PTPRN2: variants seen among roughly 807,000 people sequenced by gnomAD.
The protein encoded by PTPRN2 is receptor-type tyrosine-protein phosphatase N2.
A neutral mutation model predicts 118.8 loss-of-function variants in PTPRN2; 74 were observed. The ratio of observed to expected loss-of-function variants is 0.62; its 90% CI spans 0.52 to 0.76. The LOEUF (loss-of-function observed/expected upper bound fraction) is 0.76, where lower values mean the gene tolerates loss of function less well. Ranked by LOEUF, PTPRN2 falls within the 30% of genes least tolerant of loss-of-function variation. The pLI, the probability that PTPRN2 is intolerant of heterozygous loss-of-function variation, is 0.00. For missense variants in PTPRN2, 1,481 were observed against 1,394.4 expected (o/e 1.06, Z -0.99); for synonymous variants, 641 against 608.0 (o/e 1.05, Z -0.80).
At chr7:157,788,460 C>T (rs1017601486) in intron 12 of PTPRN2, among the ~76,000 whole-genome samples, 1 of 151,982 alleles carries the variant, frequency 6.6e-6, no homozygotes, top group African/African-American at 2.4e-5. Context: ...GAGAAGTGTG[C>T]CATCAACCAA....
chr7:157,687,878 T>C (rs1329298774), intron 12 of PTPRN2, among the ~76,000 whole-genome samples: 1 of 152,258 alleles, frequency 6.6e-6, no homozygotes, highest in African/African-American at 2.4e-5. Context: ...TACTTTTAAT[T>C]TGGAATTTGC....
intron 9 of PTPRN2, among the ~76,000 whole-genome samples, chr7:158,118,603 G>A (rs1816912862): frequency 6.6e-6 from 1 of 152,102 alleles, no homozygotes. Flanking sequence ...ACAGAGATTA[G>A]CAAAATATGA....
chr7:158,509,304 T>A lies in PTPRN2; in HGVS notation c.113-19519A>T, dbSNP rs1405543108. On this transcript the variant is annotated intron_variant, in intron 1 of 22. Transcript: ENST00000389418. This position sits in a 1 kb window ranked among gnomAD's most constrained non-coding sequence, Gnocchi z 4.4. ...TCAGTCACAGCATCGGAAGAATGAA[T>A]AGTGCTCCCTGATCCCTAACGTGCA... 1.3e-5 allele frequency among the ~76,000 whole-genome samples: 2 copies of A among 152,138 alleles called. No homozygotes were observed. The highest frequency in any genetic ancestry group is 2.9e-5 in the Non-Finnish European group (2 of 68,010).
chr7:158,578,842 A>G (rs1024986527), intron 1 of PTPRN2, among the ~76,000 whole-genome samples: 5 of 151,792 alleles, frequency 3.3e-5, no homozygotes, highest in African/African-American at 1.2e-4. Context: ...ATTTCACTGC[A>G]TCCTCCATCT....
chr7:157,702,340 C>G (rs1016953215), intron 12 of PTPRN2, among the ~76,000 whole-genome samples: 3 of 151,974 alleles, frequency 2.0e-5, no homozygotes, highest in Non-Finnish European at 4.4e-5. Flanking sequence ...AAAGCCCGGT[C>G]GGTGCTGGTG....
chr7:158,155,277 T>G (rs977406443), intron 6 of PTPRN2, among the ~76,000 whole-genome samples: 1 of 152,174 alleles, frequency 6.6e-6, no homozygotes, highest in South Asian at 2.1e-4. Flanking sequence ...CTTTAAACAA[T>G]CAGCAACAGC....
At chr7:158,481,095 C>T (rs1475067104) in intron 2 of PTPRN2, among the ~76,000 whole-genome samples, 1 of 152,242 alleles carries the variant, frequency 6.6e-6, no homozygotes, top group Non-Finnish European at 1.5e-5. Context: ...GACTTCAAAG[C>T]TTCAAAGCAC....
intron 12 of PTPRN2, among the ~76,000 whole-genome samples, chr7:157,837,687 A>G (rs1808070240): frequency 6.6e-6 from 1 of 152,138 alleles, no homozygotes; most frequent in Non-Finnish European, 1.5e-5. Context: ...CAGGGCTCAC[A>G]TCCTCCATGA....
intron 11 of PTPRN2, among the ~76,000 whole-genome samples, chr7:157,973,757 T>C (rs1802518258): frequency 6.6e-6 from 1 of 152,190 alleles, no homozygotes; most frequent in Non-Finnish European, 1.5e-5. Flanking sequence ...CAATGTAAAA[T>C]TTAAAAAGAT....
In PTPRN2 at chr7:158,077,553, T is replaced by C. The variant is rs13236421; in HGVS notation, c.1723+3745A>G. Among the ~76,000 whole-genome samples the C allele has an allele frequency of 2.8e-3, 80 of 28,818 alleles. 1 individual carries two copies. Among genetic ancestry groups the C allele is most frequent in the Admixed American group, 7.4e-3 (21 of 2,850 alleles). 18.9% of individuals were successfully genotyped at this position (28,818 alleles called of 152,430 possible). Reference sequence around the variant, plus strand: ...ATTCAGGGTCAGCACAGGAGCCCCCTATGAGCCACACCCCCACCACACAGG... The same window carrying C: ...ATTCAGGGTCAGCACAGGAGCCCCCCATGAGCCACACCCCCACCACACAGG... On this transcript the variant is annotated intron_variant, in intron 11 of 22. Transcript: ENST00000389418.
Position 158,071,549 on chromosome 7 carries a change from CCTG to C in PTPRN2, c.1723+9746_1723+9748del, listed in dbSNP as rs201141908. Among the ~76,000 whole-genome samples, 156 of 46,550 alleles carry C rather than the reference CCTG, an allele frequency of 3.4e-3. 7 individuals carry two copies. The highest frequency in any genetic ancestry group is 6.1e-3 in the East Asian group (8 of 1,322). The allele number at this position is 46,550 out of a possible 152,430, so 30.5% of individuals were successfully genotyped here. ...AGATGCTCGTGATGATGGAGGTGCT[CCTG>C]GTGGTGGAGGTGCTCCTGGTGGAGG... On this transcript the variant is annotated intron_variant, in intron 11 of 22. Transcript: ENST00000389418.
At chr7:157,898,212 T>C (rs978148923) in intron 12 of PTPRN2, among the ~76,000 whole-genome samples, 1 of 152,188 alleles carries the variant, frequency 6.6e-6, no homozygotes, top group African/African-American at 2.4e-5. Flanking sequence ...AGATTTTCAG[T>C]GATATTATGG....
intron 2 of PTPRN2, among the ~76,000 whole-genome samples, chr7:158,413,670 A>G (rs779543197): frequency 2.0e-5 from 3 of 152,218 alleles, no homozygotes; most frequent in Admixed American, 6.5e-5. Context: ...CAGTGGGAAG[A>G]CTTCTGTGGG....
intron 3 of PTPRN2, among the ~76,000 whole-genome samples, chr7:158,310,968 A>G (rs1197458820): frequency 6.6e-6 from 1 of 152,092 alleles, no homozygotes; most frequent in African/African-American, 2.4e-5. Flanking sequence ...TCCCTCCCCA[A>G]CCCCACACCA....
chr7:158,455,642 T>G (rs1818398016), intron 2 of PTPRN2, among the ~76,000 whole-genome samples: 1 of 71,520 alleles, frequency 1.4e-5, no homozygotes, highest in Non-Finnish European at 2.6e-5. Flanking sequence ...CCCATCGCTC[T>G]GCAGAGAAGA....
chr7:157,945,511 C>T (rs926260653), intron 11 of PTPRN2, among the ~76,000 whole-genome samples: 6 of 152,154 alleles, frequency 3.9e-5, no homozygotes, highest in South Asian at 2.1e-4. Context: ...CTGAACCTGC[C>T]GTTCCCAACT....
chr7:158,313,968 C>T (rs1386083313), intron 3 of PTPRN2, among the ~76,000 whole-genome samples: 1 of 152,100 alleles, frequency 6.6e-6, no homozygotes, highest in Non-Finnish European at 1.5e-5. Flanking sequence ...GAGTCTTGTG[C>T]ATTCTCTGGT....
intron 11 of PTPRN2, among the ~76,000 whole-genome samples, chr7:158,067,030 A>G (rs1810827776): frequency 6.6e-6 from 1 of 152,206 alleles, no homozygotes; most frequent in African/African-American, 2.4e-5. Context: ...AAAGCAGGCT[A>G]TATTTTCCTG....
intron 5 of PTPRN2, among the ~76,000 whole-genome samples, chr7:158,191,164 G>T (rs1259447032): frequency 6.6e-6 from 1 of 152,206 alleles, no homozygotes; most frequent in Non-Finnish European, 1.5e-5. Flanking sequence ...TGTGGGGGTT[G>T]CCCAGAGTTA....
Sources: allele counts gnomAD v4.1 joint callset (sites outside exome capture counted in the v4.1 genomes callset), GRCh38; gene constraint gnomAD v4.1.1; non-coding constraint Gnocchi (gnomAD v3.1); transcripts MANE v1.5; gene names NCBI Gene and HGNC (gene_info 2026-07-23, HGNC 2026-07-21).